Variants in SLIT1 observed in about 807,000 individuals in gnomAD.
SLIT1 encodes slit homolog 1 protein.
In SLIT1, 66 loss-of-function variants were observed where a neutral mutation model predicts 186.1. The ratio of observed to expected loss-of-function variants is 0.35; its 90% CI spans 0.29 to 0.44. The LOEUF (loss-of-function observed/expected upper bound fraction) is 0.44, where lower values mean the gene tolerates loss of function less well. Among genes scored for constraint, SLIT1 ranks in the 20% least tolerant of loss-of-function variants. The probability of loss-of-function intolerance (pLI) is 1.00; values close to 1 mark genes in which losing one functional copy is unlikely to be tolerated. For synonymous variants in SLIT1, 761 were observed against 833.8 expected (o/e 0.91, Z 1.50); for missense variants, 1,638 against 2,037.4 (o/e 0.80, Z 3.77).
At chr10:97,174,316 C>T (rs948093047) in intron 1 of SLIT1, among the ~76,000 whole-genome samples, 5 of 152,236 alleles carry the variant, frequency 3.3e-5, no homozygotes, top group African/African-American at 1.2e-4. Context: ...ATATAGGCTG[C>T]CAGAGCAACC....
chr10:97,176,327 C>T (rs1850255565), intron 1 of SLIT1, among the ~76,000 whole-genome samples: 1 of 152,130 alleles, frequency 6.6e-6, no homozygotes, highest in Admixed American at 6.5e-5. Flanking sequence ...CGACCACGAC[C>T]ACAGCCACCA....
chr10:97,126,856 G>A (rs1849607515), intron 4 of SLIT1, among the ~76,000 whole-genome samples: 2 of 152,214 alleles, frequency 1.3e-5, no homozygotes, highest in South Asian at 2.1e-4. Flanking sequence ...AAGAGACAGA[G>A]CCAAGGCTCA....
intron 4 of SLIT1, among the ~76,000 whole-genome samples, chr10:97,076,092 G>A (rs750330072): frequency 6.6e-6 from 1 of 152,184 alleles, no homozygotes; most frequent in Non-Finnish European, 1.5e-5. Context: ...GCAGGGACCA[G>A]CCACTACATT....
chr10:97,158,882 GA>G (rs1453581738), intron 3 of SLIT1, among the ~76,000 whole-genome samples: 1 of 150,212 alleles, frequency 6.7e-6, no homozygotes, highest in Non-Finnish European at 1.5e-5. Flanking sequence ...TCTCAGAGAA[GA>G]AAAAAAAAGC....
intron 4 of SLIT1, among the ~76,000 whole-genome samples, chr10:97,103,915 C>T (rs1564676858): frequency 1.3e-5 from 2 of 152,182 alleles, no homozygotes; most frequent in East Asian, 1.9e-4. Flanking sequence ...TGACAGGCAA[C>T]TCCCACGGCG....
chr10:97,000,736 A>C lies in SLIT1; in HGVS notation c.*376T>G. ...CAGCCTGGGCCACAGGCCAAAGGGA[A>C]GGGTTGGTTTGGAAGGCTGTCATTT... On this transcript the variant is annotated 3_prime_UTR_variant, in exon 37 of 37. Coordinates refer to ENST00000266058, the MANE Select transcript of SLIT1 (RefSeq NM_003061.3). The C allele has an allele frequency of 1.0e-5, 2 of 196,868 alleles. No homozygotes were observed. Among genetic ancestry groups the C allele is most frequent in the Non-Finnish European group, 1.0e-5 (1 of 96,588 alleles). The allele number at this position is 196,868 out of a possible 1,614,324, so 12.2% of individuals were successfully genotyped here.
chr10:97,016,117 T>C (rs1848453064), intron 28 of SLIT1, among the ~76,000 whole-genome samples: 1 of 152,176 alleles, frequency 6.6e-6, no homozygotes, highest in Admixed American at 6.5e-5. Context: ...GAGACCAGCC[T>C]GGCCAACATG....
At chr10:97,074,273 T>C (rs2134648488) in intron 4 of SLIT1, among the ~76,000 whole-genome samples, 1 of 152,288 alleles carries the variant, frequency 6.6e-6, no homozygotes, top group South Asian at 2.1e-4. Flanking sequence ...AAATGGATCC[T>C]TACATGAGTC....
At chr10:97,169,245 G>A (rs1054383967) in intron 1 of SLIT1, among the ~76,000 whole-genome samples, 1 of 152,206 alleles carries the variant, frequency 6.6e-6, no homozygotes, top group Admixed American at 6.5e-5. Flanking sequence ...CTCTAACGCA[G>A]AGCTTAATGC....
In SLIT1 at chr10:97,185,490, T is replaced by A; in HGVS notation, c.185A>T (p.Asn62Ile). The A allele has an allele frequency of 6.2e-7, 1 of 1,611,904 alleles. No homozygotes were observed. The highest frequency in any genetic ancestry group is 8.5e-7 in the Non-Finnish European group (1 of 1,179,478). ...GGACCATACTCACAGGCGCTCGGTG[T>A]TCCGAGGTATATTCTTGGGAATGGC... ...LQAIPKNIPR[N>I]TERLELNGNN... Residue 62 changes from asparagine to isoleucine, a missense_variant, in exon 1 of 37, where the codon AAC becomes ATC. Physicochemically the swap from Asn to Ile is moderately radical, Grantham distance 149. This residue lies in a region of SLIT1 where 1,245 missense variants were observed against 1,535.3 expected (regional missense o/e 0.81). Transcript: ENST00000266058.
chr10:97,048,070 C>G (rs1372800099), intron 14 of SLIT1, 74 bp from the exon 15 acceptor site: 6 of 1,544,270 alleles, frequency 3.9e-6, no homozygotes, highest in Non-Finnish European at 3.6e-6. Context: ...GCCCCAGCCC[C>G]ACTGCTCAGC....
At position 97,047,981 on chromosome 10, in the gene SLIT1, A is replaced by G; in HGVS notation, c.1481T>C (p.Phe494Ser). Residue 494 changes from phenylalanine (F) to serine (S), a missense_variant, in exon 15 of 37, where the codon TTC becomes TCC. Coordinates refer to ENST00000266058, the MANE Select transcript of SLIT1 (RefSeq NM_003061.3). ...KFRCSAKEQYFIPGTEDYQLN... is the reference protein window; with the variant it reads ...KFRCSAKEQYSIPGTEDYQLN... ...TCCCCCCACTCTCCTACCTGGAATG[A>G]AGTACTGCTCTTTGGCTGGGAAGAG... The G allele has an allele frequency of 6.2e-7, 1 of 1,614,156 alleles. No homozygotes were observed. Among genetic ancestry groups the G allele is most frequent in the Non-Finnish European group, 8.5e-7 (1 of 1,180,004 alleles).
chr10:97,174,837 C>T (rs927941047), intron 1 of SLIT1, among the ~76,000 whole-genome samples: 8 of 152,040 alleles, frequency 5.3e-5, no homozygotes, highest in African/African-American at 1.7e-4. Flanking sequence ...ACATCTGACC[C>T]CAGGACCCAG....
intron 4 of SLIT1, among the ~76,000 whole-genome samples, chr10:97,145,304 G>A (rs1342309309): frequency 6.6e-6 from 1 of 152,074 alleles, no homozygotes; most frequent in Non-Finnish European, 1.5e-5. Context: ...TATTAGTAGA[G>A]ACAGGGTTTC....
intron 25 of SLIT1, among the ~76,000 whole-genome samples, chr10:97,025,456 T>C (rs778069680): frequency 1.1e-4 from 17 of 152,324 alleles, no homozygotes; most frequent in Admixed American, 9.2e-4. Flanking sequence ...CAAGCTTTCA[T>C]TTATCCAAAG....
At chr10:97,062,104 T>A (rs1235627327) in intron 8 of SLIT1, among the ~76,000 whole-genome samples, 1 of 152,232 alleles carries the variant, frequency 6.6e-6, no homozygotes, top group Non-Finnish European at 1.5e-5. Flanking sequence ...GTCCAAGTGA[T>A]TTACCCATTC....
chr10:97,043,270 C>T lies in SLIT1; in HGVS notation c.1997+100G>A. On this transcript the variant is annotated intron_variant, in intron 19 of 36. Transcript: ENST00000266058. This position sits in a 1 kb window ranked among gnomAD's most constrained non-coding sequence, Gnocchi z 7.0. ...CCCACGTTTCAGCAAACCACGAAGA[C>T]CCAGCACCCCCAGGGTGAGCTCTTT... The T allele has an allele frequency of 1.3e-6, 2 of 1,484,786 alleles. No homozygotes were observed. Among genetic ancestry groups the T allele is most frequent in the Non-Finnish European group, 1.9e-6 (2 of 1,077,676 alleles). The allele number at this position is 1,484,786 out of a possible 1,614,324, so 92.0% of individuals were successfully genotyped here. A position where few individuals can be genotyped will look rare whatever the true frequency, so the allele number is the denominator to read the frequency against.
At chr10:97,177,806 T>C (rs1008999811) in intron 1 of SLIT1, among the ~76,000 whole-genome samples, 4 of 152,006 alleles carry the variant, frequency 2.6e-5, no homozygotes, top group Non-Finnish European at 5.9e-5. Context: ...TGAAACCTCG[T>C]CTCTATTAAA....
chr10:97,148,288 G>C (rs558364969), intron 4 of SLIT1, among the ~76,000 whole-genome samples: 2 of 149,086 alleles, frequency 1.3e-5, no homozygotes, highest in African/African-American at 2.4e-5. Flanking sequence ...TTAGTACTAA[G>C]CTTTTTTTTT....
Sources: allele counts gnomAD v4.1 joint callset (sites outside exome capture counted in the v4.1 genomes callset), GRCh38; gene constraint gnomAD v4.1.1; regional missense constraint gnomAD v4.1.1; non-coding constraint Gnocchi (gnomAD v3.1); transcripts MANE v1.5; gene names NCBI Gene and HGNC (gene_info 2026-07-23, HGNC 2026-07-21).